C8orf34: variants seen among roughly 807,000 people sequenced by gnomAD.
The protein encoded by C8orf34 is chromosome 8 open reading frame 34.
Under a neutral mutation model 68.3 loss-of-function variants are expected in C8orf34, and 65 were observed. That is an observed-to-expected ratio of 0.95 (90% CI 0.78 to 1.17). The LOEUF (loss-of-function observed/expected upper bound fraction) is 1.17, where lower values mean the gene tolerates loss of function less well. Ranked by LOEUF, C8orf34 falls within the 50% of genes most tolerant of loss-of-function variation. The pLI is 0.00. For synonymous variants in C8orf34, 244 were observed against 241.2 expected, an observed-to-expected ratio of 1.01 and a Z score of -0.11; for missense variants, 664 against 655.4, an observed-to-expected ratio of 1.01 and a Z score of -0.14.
intron 7 of C8orf34, among the ~76,000 whole-genome samples, chr8:68,545,539 G>A (rs1200228926): frequency 6.6e-6 from 1 of 152,064 alleles, no homozygotes; most frequent in Admixed American, 6.6e-5. Flanking sequence ...TGAAATATCA[G>A]CTGATACTTT....
intron 6 of C8orf34, among the ~76,000 whole-genome samples, chr8:68,524,965 T>C (rs1476120024): frequency 6.6e-6 from 1 of 152,152 alleles, no homozygotes; most frequent in Non-Finnish European, 1.5e-5. Context: ...ACTGTAGATC[T>C]GGTGAATTGG....
At chr8:68,736,534 C>T (rs1822127184) in intron 10 of C8orf34, among the ~76,000 whole-genome samples, 1 of 151,828 alleles carries the variant, frequency 6.6e-6, no homozygotes, top group Non-Finnish European at 1.5e-5. Context: ...TCAGAGAGTT[C>T]CATGATGTAG....
chr8:68,372,256 G>A (rs1179801139), intron 1 of C8orf34, among the ~76,000 whole-genome samples: 1 of 152,176 alleles, frequency 6.6e-6, no homozygotes, highest in Non-Finnish European at 1.5e-5. Flanking sequence ...ATAGGAGTTG[G>A]AAGACTGAAA....
At chr8:68,575,217 G>A (rs1002414045) in intron 7 of C8orf34, among the ~76,000 whole-genome samples, 6 of 151,976 alleles carry the variant, frequency 3.9e-5, no homozygotes, top group African/African-American at 7.2e-5. Context: ...CTTAGCTAAC[G>A]TGATGCATTC....
intron 10 of C8orf34, among the ~76,000 whole-genome samples, chr8:68,759,447 T>C (rs2129527948): frequency 6.6e-6 from 1 of 152,326 alleles, no homozygotes; most frequent in South Asian, 2.1e-4. Flanking sequence ...CCCACCCCAT[T>C]CATCCTCATT....
chr8:68,620,414 G>A (rs1471021418), intron 7 of C8orf34, among the ~76,000 whole-genome samples: 3 of 152,068 alleles, frequency 2.0e-5, no homozygotes, highest in South Asian at 2.1e-4. Context: ...CAGGCTCCTG[G>A]CCATGCTGAG....
At chr8:68,593,281 T>C (rs1437297012) in intron 7 of C8orf34, among the ~76,000 whole-genome samples, 1 of 152,154 alleles carries the variant, frequency 6.6e-6, no homozygotes. Context: ...TAGTATAGTG[T>C]TATAATCAAT....
At chr8:68,566,874 T>C (rs968404566) in intron 7 of C8orf34, among the ~76,000 whole-genome samples, 1 of 152,218 alleles carries the variant, frequency 6.6e-6, no homozygotes, top group African/African-American at 2.4e-5. Flanking sequence ...TTTTTCTGCA[T>C]CTGTTGAGAT....
chr8:68,459,550 A>G (rs541198928), intron 3 of C8orf34, among the ~76,000 whole-genome samples: 32 of 152,254 alleles, frequency 2.1e-4, no homozygotes, highest in Admixed American at 1.8e-3. Context: ...ACTCTTATAC[A>G]CTGTTAGTAG....
chr8:68,646,265 CA>C (rs1819169409), intron 8 of C8orf34, among the ~76,000 whole-genome samples: 1 of 151,562 alleles, frequency 6.6e-6, no homozygotes, highest in African/African-American at 2.4e-5. Context: ...GCAATAAGAG[CA>C]AAAATTTTAA....
chr8:68,360,751 CCTTT>C (rs1326751167), intron 1 of C8orf34, among the ~76,000 whole-genome samples: 43 of 145,932 alleles, frequency 2.9e-4, no homozygotes, highest in African/African-American at 1.1e-3. Context: ...TCCTTTTCTT[CCTTT>C]CTTTTTTTTT....
intron 7 of C8orf34, among the ~76,000 whole-genome samples, chr8:68,572,234 G>GAC (rs36042681): frequency 0.022 from 3,155 of 145,262 alleles, 34 homozygotes; most frequent in South Asian, 0.048. Context: ...TGACTGTATA[G>GAC]ACACACACAC....
chr8:68,690,944 G>C (rs1473343771), intron 8 of C8orf34, among the ~76,000 whole-genome samples: 2 of 152,052 alleles, frequency 1.3e-5, no homozygotes, highest in African/African-American at 4.8e-5. Context: ...TAAGAAGAAT[G>C]CTACTTTCCT....
chr8:68,817,234 G>A (rs1824846857), intron 13 of C8orf34, among the ~76,000 whole-genome samples: 1 of 152,130 alleles, frequency 6.6e-6, no homozygotes, highest in Non-Finnish European at 1.5e-5. Context: ...GATTATAGAA[G>A]CATGAGGATA....
chr8:68,803,746 A>G (rs1371865071), intron 12 of C8orf34, among the ~76,000 whole-genome samples: 2 of 152,176 alleles, frequency 1.3e-5, no homozygotes, highest in African/African-American at 4.8e-5. Flanking sequence ...AGTTTTGTGC[A>G]GGTAATAATG....
chr8:68,369,250 G>T (rs560217941), intron 1 of C8orf34, among the ~76,000 whole-genome samples: 1 of 152,048 alleles, frequency 6.6e-6, no homozygotes, highest in Non-Finnish European at 1.5e-5. Context: ...TTCACTGCCC[G>T]TAAATCACTG....
chr8:68,619,996 A>G (rs1554586652), intron 7 of C8orf34, among the ~76,000 whole-genome samples: 2 of 152,196 alleles, frequency 1.3e-5, no homozygotes, highest in Non-Finnish European at 2.9e-5. Context: ...ATTAGAAGTG[A>G]AGAGGAAGGT....
chr8:68,469,397 C>T lies in C8orf34; in HGVS notation c.736+577C>T, dbSNP rs147415812. 2.5e-3 allele frequency among the ~76,000 whole-genome samples: 384 copies of T among 151,932 alleles called. 1 individual carries two copies. Among genetic ancestry groups the T allele is most frequent in the Middle Eastern group, 0.02 (6 of 294 alleles). On this transcript the variant is annotated intron_variant, in intron 4 of 13. Coordinates refer to ENST00000518698, the MANE Select transcript of C8orf34 (RefSeq NM_052958.4). ...CATTTACCCTCCATGTGCCTTGGTC[C>T]GCTCATCTCCAAAGCAGAAAGACAT... is the stretch of plus-strand genomic sequence containing the variant.
At chr8:68,489,878 C>A (rs1054773897) in intron 5 of C8orf34, among the ~76,000 whole-genome samples, 5 of 152,146 alleles carry the variant, frequency 3.3e-5, no homozygotes, top group African/African-American at 1.2e-4. Flanking sequence ...TTCTGACTCA[C>A]TAAAAAAATA....
Sources: gnomAD v4.1 joint callset for allele counts (sites outside exome capture counted in the v4.1 genomes callset) on GRCh38, gnomAD v4.1.1 for gene constraint, MANE v1.5 for transcripts, NCBI Gene and HGNC (gene_info 2026-07-23, HGNC 2026-07-21) for gene names.